The following FOXP2 variants were observed in gnomAD, a reference collection of about 807,000 sequenced individuals.
FOXP2 encodes the protein forkhead box P2.
A neutral mutation model predicts 115.8 loss-of-function variants in FOXP2; 12 were observed. The observed-to-expected ratio is 0.10, with a 90% CI of 0.07 to 0.17. The LOEUF is 0.17. FOXP2 is among the 10% of genes least tolerant of loss of function. The probability of loss-of-function intolerance (pLI) is 1.00; values close to 1 mark genes in which losing one functional copy is unlikely to be tolerated. For missense variants in FOXP2, 629 were observed against 843.5 expected (o/e 0.75, Z 3.15); for synonymous variants, 328 against 297.7 (o/e 1.10, Z -1.05).
At chr7:114,174,294 G>A (rs1313316439) in intron 1 of FOXP2, among the ~76,000 whole-genome samples, 1 of 151,804 alleles carries the variant, frequency 6.6e-6, no homozygotes, top group Non-Finnish European at 1.5e-5. Context: ...AAATTCAGAG[G>A]GAAAGAATTC....
At chr7:114,546,608 T>A (rs1799938318) in intron 3 of FOXP2, among the ~76,000 whole-genome samples, 1 of 152,134 alleles carries the variant, frequency 6.6e-6, no homozygotes, top group African/African-American at 2.4e-5. Flanking sequence ...ACCCCTTATC[T>A]GATTGGCAAA....
At chr7:114,627,012 TA>T (rs1231546376) in intron 3 of FOXP2, among the ~76,000 whole-genome samples, 1 of 151,954 alleles carries the variant, frequency 6.6e-6, no homozygotes, top group Non-Finnish European at 1.5e-5. Flanking sequence ...CAATTTGATC[TA>T]ATTAATCTGA....
chr7:114,192,744 G>A (rs1793794298), intron 1 of FOXP2, among the ~76,000 whole-genome samples: 1 of 152,204 alleles, frequency 6.6e-6, no homozygotes, highest in Non-Finnish European at 1.5e-5. Context: ...ACTACTTAAT[G>A]TTGCATTGGC....
intron 1 of FOXP2, among the ~76,000 whole-genome samples, chr7:114,128,203 G>T (rs1460714995): frequency 6.6e-6 from 1 of 152,108 alleles, no homozygotes; most frequent in African/African-American, 2.4e-5. Flanking sequence ...ACAATCATAA[G>T]CTGTAAAAGA....
At chr7:114,506,926 A>C (rs1797847951) in intron 2 of FOXP2, among the ~76,000 whole-genome samples, 1 of 151,730 alleles carries the variant, frequency 6.6e-6, no homozygotes, top group African/African-American at 2.4e-5. Context: ...TGCTTGTTGT[A>C]GGAGTAAATG....
chr7:114,666,866 A>G (rs955161585), intron 16 of FOXP2: 2 of 152,150 alleles, frequency 1.3e-5, no homozygotes, highest in African/African-American at 2.4e-5. Context: ...TTCTTATTTC[A>G]TAAGATTCTT....
chr7:114,689,573 T>G (rs755251481), intron 16 of FOXP2, among the ~76,000 whole-genome samples: 2 of 152,172 alleles, frequency 1.3e-5, no homozygotes, highest in Non-Finnish European at 2.9e-5. Flanking sequence ...TGGGAGTCCA[T>G]GCTCACATTA....
At chr7:114,304,299 C>T (rs536885806) in intron 2 of FOXP2, among the ~76,000 whole-genome samples, 1 of 151,934 alleles carries the variant, frequency 6.6e-6, no homozygotes, top group East Asian at 1.9e-4. Flanking sequence ...TGCTAGACTC[C>T]TAGCATTGAG....
chr7:114,272,378 G>T (rs1432813078), intron 1 of FOXP2, among the ~76,000 whole-genome samples: 24 of 151,734 alleles, frequency 1.6e-4, no homozygotes, highest in Admixed American at 1.6e-3. Flanking sequence ...TGGTATTAGG[G>T]TAATGCTGGC....
intron 1 of FOXP2, among the ~76,000 whole-genome samples, chr7:114,264,407 G>A (rs770746355): frequency 2.0e-5 from 3 of 152,100 alleles, no homozygotes; most frequent in Non-Finnish European, 4.4e-5. Context: ...CTGTTACTAT[G>A]CCATTGTTGT....
intron 1 of FOXP2, among the ~76,000 whole-genome samples, chr7:114,135,666 G>C (rs892086132): frequency 1.3e-5 from 2 of 152,106 alleles, no homozygotes. Flanking sequence ...AAAGCAGTAA[G>C]TTCAGTGACC....
At chr7:114,685,093 G>A (rs1421534146) in intron 16 of FOXP2, among the ~76,000 whole-genome samples, 1 of 151,772 alleles carries the variant, frequency 6.6e-6, no homozygotes, top group African/African-American at 2.4e-5. Flanking sequence ...TCACCTATGG[G>A]TATACACTCA....
chr7:114,128,076 A>T (rs1791767160), intron 1 of FOXP2, among the ~76,000 whole-genome samples: 1 of 152,230 alleles, frequency 6.6e-6, no homozygotes, highest in Non-Finnish European at 1.5e-5. Context: ...CCACAGGCTA[A>T]TGATTGAACT....
At chr7:114,212,763 G>A (rs969139685) in intron 1 of FOXP2, among the ~76,000 whole-genome samples, 2 of 152,122 alleles carry the variant, frequency 1.3e-5, no homozygotes, top group Admixed American at 6.5e-5. Flanking sequence ...AAAAACAAGG[G>A]TGGGGAAAGT....
At chr7:114,088,577 G>A (rs1799475980) in intron 1 of FOXP2, among the ~76,000 whole-genome samples, 2 of 152,256 alleles carry the variant, frequency 1.3e-5, no homozygotes. Context: ...CAAATAGTTT[G>A]TTTAGTCAGC....
chr7:114,392,535 T>C (rs1792628980), intron 2 of FOXP2, among the ~76,000 whole-genome samples: 1 of 152,210 alleles, frequency 6.6e-6, no homozygotes, highest in Non-Finnish European at 1.5e-5. Context: ...TGAGTGCTTC[T>C]CTGATCAACT....
At chr7:114,576,620 C>G (rs1006011479) in intron 3 of FOXP2, among the ~76,000 whole-genome samples, 18 of 151,852 alleles carry the variant, frequency 1.2e-4, no homozygotes, top group African/African-American at 4.3e-4. Flanking sequence ...TAAATTGATA[C>G]ACACACTAGA....
chr7:114,505,546 T>A (rs545614013), intron 2 of FOXP2, among the ~76,000 whole-genome samples: 2 of 151,028 alleles, frequency 1.3e-5, no homozygotes, highest in Non-Finnish European at 3.0e-5. Flanking sequence ...AAATAATAGG[T>A]GAAGTTAGGA....
chr7:114,679,982 A>G (rs780441970), intron 16 of FOXP2, among the ~76,000 whole-genome samples: 10 of 152,114 alleles, frequency 6.6e-5, no homozygotes, highest in Admixed American at 6.5e-4. Context: ...CACAATGTCT[A>G]TTGACTGGAT....
Sources: allele counts gnomAD v4.1 joint callset (sites outside exome capture counted in the v4.1 genomes callset), GRCh38; gene constraint gnomAD v4.1.1; transcripts MANE v1.5; gene names NCBI Gene and HGNC (gene_info 2026-07-23, HGNC 2026-07-21).